SAMD12: variants seen among roughly 807,000 people sequenced by gnomAD.
The protein encoded by SAMD12 is sterile alpha motif domain-containing protein 12.
In SAMD12, 9 loss-of-function variants were observed where a neutral mutation model predicts 15.0. The observed-to-expected ratio is 0.60, with a 90% CI of 0.36 to 1.05. SAMD12 has a LOEUF of 1.05. SAMD12 is among the 50% of genes least tolerant of loss of function. SAMD12 has a pLI of 0.01. For missense variants in SAMD12, 230 were observed against 234.2 expected (o/e 0.98, Z 0.12); for synonymous variants, 86 against 90.1 (o/e 0.96, Z 0.25).
intron 3 of SAMD12, among the ~76,000 whole-genome samples, chr8:118,395,194 A>C (rs146165538): frequency 3.5e-4 from 53 of 152,272 alleles, no homozygotes; most frequent in African/African-American, 1.2e-3. Context: ...CAGCAATGTG[A>C]CCCTTTATAC....
chr8:118,589,614 T>C (rs1827530688), intron 1 of SAMD12, among the ~76,000 whole-genome samples: 1 of 152,196 alleles, frequency 6.6e-6, no homozygotes, highest in Admixed American at 6.5e-5. Flanking sequence ...ATGAGGAGAA[T>C]ACAAGGGCAG....
intron 2 of SAMD12, among the ~76,000 whole-genome samples, chr8:118,503,873 A>AG: frequency 6.6e-6 from 1 of 152,214 alleles, no homozygotes; most frequent in Non-Finnish European, 1.5e-5. Context: ...GTAGAGTCTG[A>AG]GGGGCACAAC....
At chr8:118,460,036 C>T (rs972815955) in intron 2 of SAMD12, among the ~76,000 whole-genome samples, 1 of 152,204 alleles carries the variant, frequency 6.6e-6, no homozygotes, top group Non-Finnish European at 1.5e-5. Flanking sequence ...TGGTTAGGGT[C>T]ACTTCCTATC....
chr8:118,327,430 C>T (rs1032988411), intron 4 of SAMD12, among the ~76,000 whole-genome samples: 3 of 152,176 alleles, frequency 2.0e-5, no homozygotes, highest in African/African-American at 7.2e-5. Flanking sequence ...ATAGTATCCC[C>T]ATGCCATAGA....
intron 4 of SAMD12, among the ~76,000 whole-genome samples, chr8:118,278,262 T>C (rs1369543433): frequency 6.6e-6 from 1 of 152,216 alleles, no homozygotes; most frequent in Non-Finnish European, 1.5e-5. Context: ...CAAGAGCCCA[T>C]GTAGCCCTGC....
chr8:118,535,676 G>A (rs934545774), intron 2 of SAMD12, among the ~76,000 whole-genome samples: 7 of 152,188 alleles, frequency 4.6e-5, no homozygotes, highest in Admixed American at 1.3e-4. Flanking sequence ...CCATGCTGCC[G>A]CCTTGCACTT....
At chr8:118,604,916 C>T (rs915943445) in intron 1 of SAMD12, among the ~76,000 whole-genome samples, 3 of 150,034 alleles carry the variant, frequency 2.0e-5, no homozygotes, top group Admixed American at 1.3e-4. Context: ...AGAGAGACTC[C>T]GTCTCAAAAA....
chr8:118,416,455 G>A (rs1208036806), intron 3 of SAMD12, among the ~76,000 whole-genome samples: 5 of 152,112 alleles, frequency 3.3e-5, no homozygotes, highest in Admixed American at 3.3e-4. Flanking sequence ...AGAGAGTCAG[G>A]TGGAATCAAG....
chr8:118,417,626 T>C (rs537043025), intron 3 of SAMD12, among the ~76,000 whole-genome samples: 34 of 152,200 alleles, frequency 2.2e-4, no homozygotes, highest in African/African-American at 7.2e-4. Context: ...ATAGAGATAA[T>C]GATAAAATAT....
intron 2 of SAMD12, among the ~76,000 whole-genome samples, chr8:118,563,602 T>C (rs1826768805): frequency 1.3e-5 from 2 of 152,170 alleles, no homozygotes; most frequent in Admixed American, 1.3e-4. Context: ...CTCATAAATA[T>C]CCTGCTTAAA....
At chr8:118,480,185 C>A (rs886229693) in intron 2 of SAMD12, among the ~76,000 whole-genome samples, 1 of 152,154 alleles carries the variant, frequency 6.6e-6, no homozygotes, top group African/African-American at 2.4e-5. Flanking sequence ...CTGTGGAAAG[C>A]GGCAGCATCA....
chr8:118,357,708 C>T (rs6469743), intron 4 of SAMD12, among the ~76,000 whole-genome samples: 33,906 of 152,136 alleles, frequency 0.22, 4,455 homozygotes, highest in African/African-American at 0.35. Flanking sequence ...TTAATGGCTT[C>T]TCATTGCACT....
the SAMD12 span, among the ~76,000 whole-genome samples, chr8:118,166,166 C>A: frequency 3.9e-5 from 6 of 152,150 alleles, no homozygotes; most frequent in African/African-American, 1.4e-4. Flanking sequence ...ATTGCTGTAG[C>A]TTCACTTGCT....
chr8:118,389,975 G>T (rs1437580393), intron 3 of SAMD12, among the ~76,000 whole-genome samples: 1 of 151,956 alleles, frequency 6.6e-6, no homozygotes, highest in Non-Finnish European at 1.5e-5. Flanking sequence ...CGTATATATG[G>T]GTCATAGTTG....
chr8:118,492,121 CCT>C (rs1491478463), intron 2 of SAMD12, among the ~76,000 whole-genome samples: 7 of 112,570 alleles, frequency 6.2e-5, no homozygotes, highest in African/African-American at 8.7e-5. Flanking sequence ...ACTGGTGTTG[CCT>C]TTTTTTTTTT....
At chr8:118,547,374 C>A (rs1383114575) in intron 2 of SAMD12, among the ~76,000 whole-genome samples, 1 of 152,012 alleles carries the variant, frequency 6.6e-6, no homozygotes, top group African/African-American at 2.4e-5. Flanking sequence ...AGGCTAGTTT[C>A]TCCCCTCTGT....
At chr8:118,463,626 G>C (rs779583358) in intron 2 of SAMD12, among the ~76,000 whole-genome samples, 1 of 152,064 alleles carries the variant, frequency 6.6e-6, no homozygotes, top group African/African-American at 2.4e-5. Context: ...CAAGTACCAC[G>C]TTACAAAATG....
intron 4 of SAMD12, among the ~76,000 whole-genome samples, chr8:118,227,374 G>A (rs144782439): frequency 6.6e-6 from 1 of 152,238 alleles, no homozygotes; most frequent in African/African-American, 2.4e-5. Flanking sequence ...TGAGGGTGGA[G>A]GGTGGAAGGA....
chr8:118,379,392 A>C lies in SAMD12; in HGVS notation c.*25T>G. The C allele has an allele frequency of 6.2e-7, 1 of 1,606,926 alleles. No homozygotes were observed. The highest frequency in any genetic ancestry group is 8.5e-7 in the Non-Finnish European group (1 of 1,176,582). On this transcript the variant is annotated 3_prime_UTR_variant, in exon 4 of 4. Coordinates refer to ENST00000314727, the MANE Select transcript of SAMD12 (RefSeq NM_207506.3). ...CATCCTTCTCCCTAGTGAGCTATGA[A>C]AAAAGTTTTCAAAGGGAAGTAATCT...
Sources: gnomAD v4.1 joint callset for allele counts (sites outside exome capture counted in the v4.1 genomes callset) on GRCh38, gnomAD v4.1.1 for gene constraint, MANE v1.5 for transcripts, NCBI Gene and HGNC (gene_info 2026-07-23, HGNC 2026-07-21) for gene names.